The following VRK3 variants were observed in gnomAD, a reference collection of about 807,000 sequenced individuals.
VRK3 encodes the protein serine/threonine-protein kinase VRK3.
In VRK3, 50 loss-of-function variants were observed where a neutral mutation model predicts 60.4. That is an observed-to-expected ratio of 0.83 (90% CI 0.66 to 1.05). The LOEUF is 1.05. Among genes scored for constraint, VRK3 ranks in the 50% least tolerant of loss-of-function variants. The probability of loss-of-function intolerance (pLI) is 0.00; values close to 1 mark genes in which losing one functional copy is unlikely to be tolerated. For missense variants in VRK3, 549 were observed against 585.3 expected, an observed-to-expected ratio of 0.94 and a Z score of 0.64; for synonymous variants, 246 against 227.8, an observed-to-expected ratio of 1.08 and a Z score of -0.72.
chr19:50,007,028 T>C (rs2076903681), intron 5 of VRK3, among the ~76,000 whole-genome samples: 2 of 152,132 alleles, frequency 1.3e-5, no homozygotes, highest in Non-Finnish European at 2.9e-5. Context: ...CCAAGCACGA[T>C]GAAACACCTG....
chr19:49,978,015 C>T (rs950840824), intron 14 of VRK3, among the ~76,000 whole-genome samples: 4 of 152,184 alleles, frequency 2.6e-5, no homozygotes, highest in African/African-American at 7.2e-5. Flanking sequence ...CCAAGAAGAA[C>T]GTCGCTGCGC....
intron 4 of VRK3, 88 bp from the exon 5 acceptor site, chr19:50,007,914 C>G: frequency 6.4e-7 from 1 of 1,556,168 alleles, no homozygotes; most frequent in South Asian, 1.2e-5. Context: ...AATACTGTTC[C>G]TTTACAAATT....
chr19:50,001,880 C>A (rs567232236), intron 5 of VRK3, among the ~76,000 whole-genome samples: 1 of 152,194 alleles, frequency 6.6e-6, no homozygotes, highest in African/African-American at 2.4e-5. Flanking sequence ...AAGGACTCAA[C>A]AGGCTGGCAG....
chr19:49,984,022 A>G (rs1212267072), intron 12 of VRK3, among the ~76,000 whole-genome samples: 2 of 152,084 alleles, frequency 1.3e-5, no homozygotes, highest in South Asian at 2.1e-4. Context: ...GATTACCATG[A>G]CCTGTCTTAA....
intron 6 of VRK3, 76 bp from the exon 7 acceptor site, chr19:49,997,646 T>A: frequency 2.0e-6 from 3 of 1,531,976 alleles, no homozygotes; most frequent in Non-Finnish European, 2.7e-6. Flanking sequence ...CACTGGCAAT[T>A]TGTTACTCCC....
intron 5 of VRK3, among the ~76,000 whole-genome samples, chr19:50,002,697 A>G (rs2076829259): frequency 6.6e-6 from 1 of 152,158 alleles, no homozygotes; most frequent in African/African-American, 2.4e-5. Flanking sequence ...TTGTAGAGGG[A>G]GCCAAGGGAG....
In VRK3 at chr19:49,988,367, C is replaced by G. The variant is rs780850858; in HGVS notation, c.1217+5G>C. ...TGCAGGGGTTCTGCTGACCCCTAGA[C>G]TCACTTCTGTTTTTGCTTCATGATG... On this transcript the variant is annotated splice_donor_5th_base_variant and intron_variant, in intron 12 of 14. Transcript: ENST00000316763. 2.4e-5 allele frequency: 39 copies of G among 1,610,964 alleles called. No individual in the cohort carries two copies. The highest frequency in any genetic ancestry group is 3.0e-5 in the Non-Finnish European group (35 of 1,178,326).
intron 13 of VRK3, 59 bp downstream of exon 13, chr19:49,980,896 A>T: frequency 6.5e-7 from 1 of 1,526,856 alleles, no homozygotes; most frequent in South Asian, 1.2e-5. Context: ...CCCAAGATGG[A>T]TCTGAGCCAC....
chr19:49,978,025 C>A (rs1273945170), intron 14 of VRK3, among the ~76,000 whole-genome samples: 1 of 152,178 alleles, frequency 6.6e-6, no homozygotes, highest in Non-Finnish European at 1.5e-5. Context: ...CGTCGCTGCG[C>A]CGGGAGACAG....
intron 9 of VRK3, among the ~76,000 whole-genome samples, chr19:49,993,553 C>A (rs768044774): frequency 6.6e-6 from 1 of 152,050 alleles, no homozygotes; most frequent in Non-Finnish European, 1.5e-5. Flanking sequence ...TGGGTGCCAC[C>A]ACACCCGGCT....
chr19:49,978,307 A>C (rs2076365851), intron 14 of VRK3, among the ~76,000 whole-genome samples: 1 of 151,918 alleles, frequency 6.6e-6, no homozygotes, highest in African/African-American at 2.4e-5. Flanking sequence ...AGAAATGACT[A>C]CTCCGGGGAG....
intron 10 of VRK3, among the ~76,000 whole-genome samples, chr19:49,992,636 A>G (rs971666630): frequency 6.6e-6 from 1 of 152,178 alleles, no homozygotes; most frequent in Non-Finnish European, 1.5e-5. Context: ...ATCTTTTCAT[A>G]TTATTTAGCT....
intron 3 of VRK3, among the ~76,000 whole-genome samples, chr19:50,012,097 G>A (rs1043304322): frequency 2.0e-5 from 3 of 151,536 alleles, no homozygotes; most frequent in Admixed American, 6.6e-5. Context: ...TCAGCCTCCC[G>A]AGTAGCTGGG....
chr19:49,987,468 A>G (rs554038114), intron 12 of VRK3, among the ~76,000 whole-genome samples: 4 of 152,154 alleles, frequency 2.6e-5, no homozygotes, highest in Non-Finnish European at 5.9e-5. Flanking sequence ...CTTAGTGTTC[A>G]ATCTCACCCC....
At chr19:49,982,172 A>G (rs1376176351) in intron 12 of VRK3, 1 of 703,010 alleles carries the variant, frequency 1.4e-6, no homozygotes. Flanking sequence ...TTACATTAAA[A>G]TGAATCCCAA....
chr19:49,991,518 T>TACAC (rs937491646), intron 10 of VRK3, among the ~76,000 whole-genome samples: 54 of 150,718 alleles, frequency 3.6e-4, no homozygotes, highest in African/African-American at 1.3e-3. Flanking sequence ...AATAAATCTC[T>TACAC]ACACACACAC....
chr19:49,999,596 G>C (rs1047943922), intron 6 of VRK3: 1 of 152,308 alleles, frequency 6.6e-6, no homozygotes, highest in African/African-American at 2.4e-5. Flanking sequence ...TGGATGGGGA[G>C]GGTGAATGTC....
intron 2 of VRK3, 30 bp from the exon 3 acceptor site, chr19:50,016,193 G>A (rs2077074738): frequency 2.5e-6 from 4 of 1,611,978 alleles, no homozygotes; most frequent in Non-Finnish European, 3.4e-6. Flanking sequence ...AACACAAAGT[G>A]AAACGGGCCA....
At chr19:49,994,717 G>C (rs1053057572) in intron 9 of VRK3, 97 bp downstream of exon 9, 17 of 1,062,652 alleles carry the variant, frequency 1.6e-5, no homozygotes, top group Non-Finnish European at 2.2e-5. Flanking sequence ...AGCGGAGGGG[G>C]GTGGGGGCCG....
Sources: allele counts gnomAD v4.1 joint callset (sites outside exome capture counted in the v4.1 genomes callset), GRCh38; gene constraint gnomAD v4.1.1; transcripts MANE v1.5; gene names NCBI Gene and HGNC (gene_info 2026-07-23, HGNC 2026-07-21).